The following PTPN18 variants were observed in gnomAD, a reference collection of about 807,000 sequenced individuals.
PTPN18 encodes the protein tyrosine-protein phosphatase non-receptor type 18.
A neutral mutation model predicts 65.4 loss-of-function variants in PTPN18; 65 were observed. The observed-to-expected ratio is 0.99, with a 90% confidence interval of 0.81 to 1.22. The LOEUF (loss-of-function observed/expected upper bound fraction) is 1.22. Among genes scored for constraint, PTPN18 ranks in the 50% most tolerant of loss-of-function variants. The pLI is 0.00. For missense variants in PTPN18, 616 were observed against 646.5 expected (o/e 0.95, Z 0.51); for synonymous variants, 255 against 267.8 (o/e 0.95, Z 0.47).
intron 13 of PTPN18, 133 bp downstream of exon 13, chr2:130,372,616 GAT>G (rs1205954110): frequency 8.4e-7 from 1 of 1,196,084 alleles, no homozygotes; most frequent in Non-Finnish European, 1.1e-6. Flanking sequence ...CCCCGACGCT[GAT>G]GTCCAGGCGT....
At chr2:130,367,699 TTC>T (rs1193653512) in intron 5 of PTPN18, among the ~76,000 whole-genome samples, 5 of 152,110 alleles carry the variant, frequency 3.3e-5, no homozygotes, top group African/African-American at 1.2e-4. Flanking sequence ...CTCTTCTTCA[TTC>T]TTTTTCAGTA....
rs75768489 is a variant in PTPN18, at chr2:130,373,257, T to C, written c.*33T>C. ...GCCAGTTCCTGCCTGTTGCCTCTTG[T>C]GAGCTCGGACTGCTGATGCCCCGGT... On this transcript the variant is annotated 3_prime_UTR_variant, in exon 15 of 15. Transcript: ENST00000175756. The surrounding 1 kb of genome is among the most constrained non-coding windows in gnomAD (Gnocchi z 4.1). 4 of 1,540,426 alleles carry C rather than the reference T, an allele frequency of 2.6e-6. No individual in the cohort carries two copies. In the African/African-American group the frequency reaches 5.5e-5, roughly 21 times the overall value.
At chr2:130,364,912 AT>A (rs1333516104) in intron 5 of PTPN18, among the ~76,000 whole-genome samples, 1 of 152,154 alleles carries the variant, frequency 6.6e-6, no homozygotes, top group Non-Finnish European at 1.5e-5. Context: ...TGATAACGCT[AT>A]GTTCAACATT....
At position 130,374,889 on chromosome 2, in the gene PTPN18, A is replaced by C. The variant is rs1378445066; in HGVS notation, c.*1665A>C. On this transcript the variant is annotated 3_prime_UTR_variant, in exon 15 of 15. Transcript: ENST00000175756. ...AATGATGGGGATGTGTACATACCCC[A>C]CCCCACCCCTTGGCAGGGTGATGCT... 1 of 300,564 alleles carries C rather than the reference A, an allele frequency of 3.3e-6. No homozygotes were observed. The highest frequency in any genetic ancestry group is 6.7e-6 in the Non-Finnish European group (1 of 148,342). 18.6% of individuals were successfully genotyped at this position (300,564 alleles called of 1,614,324 possible).
intron 5 of PTPN18, 174 bp downstream of exon 5, chr2:130,359,820 C>A: frequency 1.3e-6 from 1 of 780,816 alleles, no homozygotes; most frequent in Non-Finnish European, 2.1e-6. Context: ...TATTCATCCC[C>A]CAGTGTTGGC....
At chr2:130,364,630 A>G (rs533745190) in intron 5 of PTPN18, among the ~76,000 whole-genome samples, 1 of 152,288 alleles carries the variant, frequency 6.6e-6, no homozygotes, top group South Asian at 2.1e-4. Flanking sequence ...TCCCACCTCT[A>G]CTAAAAATAC....
intron 5 of PTPN18, among the ~76,000 whole-genome samples, chr2:130,366,278 C>T (rs763297880): frequency 6.6e-6 from 1 of 152,220 alleles, no homozygotes; most frequent in Non-Finnish European, 1.5e-5. Flanking sequence ...AGTGTGCCTA[C>T]ATTCTGTGCA....
Position 130,371,285 on chromosome 2 carries a change from C to T in PTPN18, c.1011C>T (p.Leu337=). ...TACCCCGCCCACCAGGAGGGGTCCT[C>T]AGGTACCCGGCTCCATCCCCGGATT... ...LAIPRPPGGV[L]RSISVPGSPG... The change falls in exon 12 of 15, where the codon CTC becomes CTT. Residue 337 remains leucine (L), a splice_region_variant and synonymous_variant. Transcript: ENST00000175756. 1 of 1,587,784 alleles carries T rather than the reference C, an allele frequency of 6.3e-7. No individual in the cohort carries two copies. Among genetic ancestry groups the T allele is most frequent in the Non-Finnish European group, 8.6e-7 (1 of 1,162,024 alleles).
At chr2:130,359,713 C>T (rs1014751138) in intron 5 of PTPN18, 67 bp downstream of exon 5, 8 of 1,560,200 alleles carry the variant, frequency 5.1e-6, no homozygotes, top group South Asian at 1.1e-5. Context: ...TTGCTAGCTC[C>T]TCCTTGACCC....
At position 130,374,525 on chromosome 2, in the gene PTPN18, A is replaced by G. The variant is rs1680678976; in HGVS notation, c.*1301A>G. The G allele has an allele frequency of 7.0e-6, 3 of 427,792 alleles. No individual in the cohort carries two copies. Among genetic ancestry groups the G allele is most frequent in the South Asian group, 5.2e-5 (3 of 58,150 alleles). 26.5% of individuals were successfully genotyped at this position (427,792 alleles called of 1,614,324 possible). ...GGTAGGGTTCCTGCTAGGATAAAAC[A>G]TTAAGCGGCTGTTAAAAGAAATAAA... On this transcript the variant is annotated 3_prime_UTR_variant, in exon 15 of 15. Coordinates refer to ENST00000175756, the MANE Select transcript of PTPN18 (RefSeq NM_014369.4).
chr2:130,369,912 A>AC lies in PTPN18; in HGVS notation c.546+88dup, dbSNP rs1157652151. ...CTGTAAAAATGGGCATCATACTAGTACCCACTTCCTCAGTTATTGTCTGGT... is the reference window on the plus strand; with the variant it reads ...CTGTAAAAATGGGCATCATACTAGTACCCCACTTCCTCAGTTATTGTCTGGT... On this transcript the variant is annotated intron_variant, in intron 7 of 14. Coordinates refer to ENST00000175756, the MANE Select transcript of PTPN18 (RefSeq NM_014369.4). 3.3e-6 allele frequency: 5 copies of AC among 1,537,016 alleles called. No individual in the cohort carries two copies. The African/African-American group carries it at 6.8e-5, about 21-fold the overall frequency.
intron 8 of PTPN18, 64 bp from the exon 9 acceptor site, chr2:130,370,493 A>G: frequency 6.3e-7 from 1 of 1,587,180 alleles, no homozygotes; most frequent in Non-Finnish European, 8.7e-7. Flanking sequence ...CCCATCCCCA[A>G]ATGCCCCATC....
chr2:130,369,707 G>T, intron 6 of PTPN18, 58 bp from the exon 7 acceptor site: 1 of 1,477,030 alleles, frequency 6.8e-7, no homozygotes, highest in Non-Finnish European at 9.4e-7. Context: ...AATGTCTTCT[G>T]GTACCTATGA....
At chr2:130,362,698 T>G (rs958826335) in intron 5 of PTPN18, among the ~76,000 whole-genome samples, 1 of 152,222 alleles carries the variant, frequency 6.6e-6, no homozygotes. Flanking sequence ...TTATAGTTGT[T>G]TTAGAATATC....
chr2:130,360,310 CT>C (rs1206341217), intron 5 of PTPN18, among the ~76,000 whole-genome samples: 1 of 152,140 alleles, frequency 6.6e-6, no homozygotes, highest in African/African-American at 2.4e-5. Flanking sequence ...TTTGTTTTGC[CT>C]GTTAACATAA....
In PTPN18 at chr2:130,370,028, C is replaced by G. The variant is rs372661236; in HGVS notation, c.547-20C>G. On this transcript the variant is annotated intron_variant, in intron 7 of 14. Transcript: ENST00000175756. ...TCTTTTTTTTCCTAAGTCTTTTGCT[C>G]ATCTTTTTCTGTGTTTCAGGAGTCC... 18 of 1,611,224 alleles carry G rather than the reference C, an allele frequency of 1.1e-5. No individual in the cohort carries two copies. Among genetic ancestry groups the G allele is most frequent in the Non-Finnish European group, 1.5e-5 (18 of 1,178,330 alleles).
At position 130,364,797 on chromosome 2, in the gene PTPN18, AAAC is replaced by A. The variant is rs144620334; in HGVS notation, c.415-4315_415-4313del. ...GGCGACAGAGCGAGACTCCGTCTCA[AAAC>A]AACAACAACAACAACAACAAAAAAT... On this transcript the variant is annotated intron_variant, in intron 5 of 14. Coordinates refer to ENST00000175756, the MANE Select transcript of PTPN18 (RefSeq NM_014369.4). Among the ~76,000 whole-genome samples the A allele has an allele frequency of 0.012, 1,797 of 152,128 alleles. 92 individuals carry two copies. The East Asian group carries it at 0.16, about 14-fold the overall frequency.
Position 130,359,410 on chromosome 2 carries a change from G to T in PTPN18, c.293G>T (p.Ser98Ile). Reference sequence around the variant, plus strand: ...GGCCTTCACCAGGGCGTGGATGGAAGCCTGGCCTACATTGCCACGCAAGGA... The same window carrying T: ...GGCCTTCACCAGGGCGTGGATGGAATCCTGGCCTACATTGCCACGCAAGGA... ...NGNFIRGVDG[S>I]LAYIATQGPL... The change falls in exon 4 of 15, where the codon AGC (serine) becomes ATC (isoleucine). Residue 98 changes from serine to isoleucine, a missense_variant. Physicochemically the swap from Ser to Ile is moderately radical, Grantham distance 142. Transcript: ENST00000175756. 1 of 1,614,186 alleles carries T rather than the reference G, an allele frequency of 6.2e-7. No homozygotes were observed. Among genetic ancestry groups the T allele is most frequent in the Non-Finnish European group, 8.5e-7 (1 of 1,180,028 alleles).
At chr2:130,358,454 G>T (rs1205933863) in intron 1 of PTPN18, among the ~76,000 whole-genome samples, 2 of 152,120 alleles carry the variant, frequency 1.3e-5, no homozygotes, top group Non-Finnish European at 2.9e-5. Flanking sequence ...TTTCATTACA[G>T]TTATTGCTTA....
Sources: allele counts gnomAD v4.1 joint callset (sites outside exome capture counted in the v4.1 genomes callset), GRCh38; gene constraint gnomAD v4.1.1; non-coding constraint Gnocchi (gnomAD v3.1); transcripts MANE v1.5; gene names NCBI Gene and HGNC (gene_info 2026-07-23, HGNC 2026-07-21).